The following SPMIP8 variants were observed in gnomAD, a reference collection of about 807,000 sequenced individuals.
SPMIP8 encodes sperm microtubule inner protein 8.
At chr16:57,985,819 G>A in the SPMIP8 span, 6 of 1,485,878 alleles carry the variant, frequency 4.0e-6, no homozygotes, top group South Asian at 2.7e-5. Flanking sequence ...AGGGATGGCG[G>A]GGAGAGGGGG....
chr16:57,981,392 A>AATTATTATTATTATTATTATT, the SPMIP8 span, among the ~76,000 whole-genome samples: 258 of 83,574 alleles, frequency 3.1e-3, 1 homozygote, highest in Middle Eastern at 6.7e-3. Context: ...TAATAATAAT[A>AATTATTATTATTATTATTATT]ATTATTATTA....
the SPMIP8 span, chr16:57,984,911 A>G: frequency 7.0e-7 from 1 of 1,424,636 alleles, no homozygotes; most frequent in African/African-American, 1.4e-5. Flanking sequence ...CGGGCCAGGC[A>G]GAAACAGGGC....
the SPMIP8 span, chr16:57,987,229 A>C: frequency 1.7e-6 from 1 of 592,060 alleles, no homozygotes; most frequent in East Asian, 3.5e-5. Context: ...TTAGCTTGAA[A>C]GCTAAGGAGG....
At chr16:57,978,039 G>A in the SPMIP8 span, 3 of 1,613,012 alleles carry the variant, frequency 1.9e-6, no homozygotes, top group South Asian at 3.3e-5. Flanking sequence ...CTGCCGCAAA[G>A]GTTAGGACAC....
chr16:57,987,571 A>G, the SPMIP8 span: 1 of 875,018 alleles, frequency 1.1e-6, no homozygotes. Context: ...TTAGAGACAC[A>G]CGCAATTGTC....
At chr16:57,985,267 G>A in the SPMIP8 span, 3 of 1,559,524 alleles carry the variant, frequency 1.9e-6, no homozygotes, top group African/African-American at 1.4e-5. Context: ...AGACCTGGCG[G>A]GTAGGGAGCG....
the SPMIP8 span, chr16:57,984,338 G>C: frequency 6.2e-7 from 1 of 1,614,128 alleles, no homozygotes. Flanking sequence ...ACTCCTTGGG[G>C]TCCCCAACAA....
the SPMIP8 span, chr16:57,976,780 C>A: frequency 3.2e-6 from 3 of 928,888 alleles, no homozygotes; most frequent in Admixed American, 7.9e-5. Flanking sequence ...ATCTAAGGTC[C>A]TCTCTCCTCC....
the SPMIP8 span, among the ~76,000 whole-genome samples, chr16:57,979,065 C>T: frequency 0.019 from 2,927 of 152,288 alleles, 100 homozygotes; most frequent in African/African-American, 0.064. Flanking sequence ...GAGAGGAAGA[C>T]GTGTGGGCCT....
At chr16:57,982,542 A>T in the SPMIP8 span, among the ~76,000 whole-genome samples, 2 of 152,032 alleles carry the variant, frequency 1.3e-5, no homozygotes, top group Non-Finnish European at 2.9e-5. Context: ...TAGAGATCTG[A>T]ATCACCAGGT....
At chr16:57,985,120 G>T in the SPMIP8 span, 1 of 1,356,002 alleles carries the variant, frequency 7.4e-7, no homozygotes, top group Admixed American at 3.0e-5. Flanking sequence ...GGGCGGGGCT[G>T]GATTGTGGGC....
chr16:57,985,679 A>G, the SPMIP8 span: 1 of 1,296,606 alleles, frequency 7.7e-7, no homozygotes, highest in Non-Finnish European at 1.0e-6. Context: ...ATACACCAGA[A>G]ACAAATTGCA....
the SPMIP8 span, chr16:57,977,862 C>A: frequency 1.2e-6 from 2 of 1,614,184 alleles, no homozygotes; most frequent in Non-Finnish European, 1.7e-6. Context: ...TGGCTCCACA[C>A]ATGTGTATGC....
At chr16:57,976,683 C>T in the SPMIP8 span, 5 of 1,602,680 alleles carry the variant, frequency 3.1e-6, no homozygotes, top group Non-Finnish European at 4.3e-6. Context: ...ATCCGTGATC[C>T]CCCTCCCTGT....
the SPMIP8 span, chr16:57,984,259 C>A: frequency 6.2e-7 from 1 of 1,601,746 alleles, no homozygotes; most frequent in Non-Finnish European, 8.6e-7. Flanking sequence ...CCTCTGACCA[C>A]TGGTGAAGGA....
the SPMIP8 span, among the ~76,000 whole-genome samples, chr16:57,982,362 G>C: frequency 2.6e-5 from 4 of 152,112 alleles, no homozygotes; most frequent in Non-Finnish European, 2.9e-5. Flanking sequence ...TATGTCTTTT[G>C]TCTTAGTCTA....
the SPMIP8 span, chr16:57,985,844 G>T: frequency 1.3e-6 from 2 of 1,549,506 alleles, no homozygotes; most frequent in Non-Finnish European, 1.7e-6. Context: ...TCCCGAGGTC[G>T]AGTGAGGCGC....
At chr16:57,978,839 A>T in the SPMIP8 span, among the ~76,000 whole-genome samples, 36 of 151,866 alleles carry the variant, frequency 2.4e-4, no homozygotes, top group Non-Finnish European at 3.8e-4. Context: ...CCTGGTCTCA[A>T]CTCCTGGGTT....
the SPMIP8 span, chr16:57,985,962 C>G: frequency 6.3e-7 from 1 of 1,597,864 alleles, no homozygotes; most frequent in East Asian, 2.3e-5. Flanking sequence ...GGTCCTGTCC[C>G]GCCCCACAGC....
Sources: allele counts gnomAD v4.1 joint callset (sites outside exome capture counted in the v4.1 genomes callset), GRCh38; gene constraint gnomAD v4.1.1; transcripts MANE v1.5; gene names NCBI Gene and HGNC (gene_info 2026-07-23, HGNC 2026-07-21).